FAM186A: variants seen among roughly 807,000 people sequenced by gnomAD.
The protein encoded by FAM186A is family with sequence similarity 186 member A.
Under a neutral mutation model 216.8 loss-of-function variants are expected in FAM186A, and 163 were observed. That is an observed-to-expected ratio of 0.75 (90% CI 0.66 to 0.86). The LOEUF (loss-of-function observed/expected upper bound fraction) is 0.86. FAM186A is among the 40% of genes least tolerant of loss of function. The pLI, the probability that FAM186A is intolerant of heterozygous loss-of-function variation, is 0.00. For synonymous variants in FAM186A, 805 were observed against 1,025.3 expected (o/e 0.79, Z 4.10); for missense variants, 2,184 against 2,746.2 (o/e 0.80, Z 4.58).
Position 50,355,084 on chromosome 12 carries a change from C to T in FAM186A, c.1748G>A (p.Arg583Lys). 1 of 1,551,652 alleles carries T rather than the reference C, an allele frequency of 6.4e-7. No individual in the cohort carries two copies. The highest frequency in any genetic ancestry group is 1.2e-5 in the South Asian group (1 of 84,054). Residue 583 changes from arginine to lysine, a missense_variant, in exon 4 of 8, where the codon AGA becomes AAA. This residue lies in a region of FAM186A where 1,132 missense variants were observed against 1,263.4 expected (regional missense o/e 0.90). Transcript: ENST00000327337. ...SLDKEGKGEI[R>K]SLVEPLSMIQ... ...CATACTGAGTGGCTCCACTAGGCTT[C>T]TAATTTCACCTTTGCCCTCTTTGTC...
In FAM186A at chr12:50,353,460, G is replaced by C. The variant is rs769535279; in HGVS notation, c.3372C>G (p.Thr1124=). Residue 1124 remains threonine, a synonymous_variant, in exon 4 of 8, where the codon ACC becomes ACG. Transcript: ENST00000327337. ...QQAQALEILF[T]PQQAQALGIP... is the part of the protein sequence containing the mutation. ...TCCCCAGGGCCTGCGCCTGCTGAGG[G>C]GTGAAAAGGATCTCCAGGGCCTGGG... is the stretch of plus-strand genomic sequence containing the variant. The C allele has an allele frequency of 4.6e-6, 7 of 1,528,182 alleles. No individual in the cohort carries two copies. In the African/African-American group the frequency reaches 7.0e-5, roughly 15 times the overall value. The allele number at this position is 1,528,182 out of a possible 1,614,324, so 94.7% of individuals were successfully genotyped here.
At chr12:50,335,986 G>T (rs950935317) in intron 4 of FAM186A, among the ~76,000 whole-genome samples, 1 of 151,916 alleles carries the variant, frequency 6.6e-6, no homozygotes, top group Non-Finnish European at 1.5e-5. Flanking sequence ...TTAGCCCGGT[G>T]TGATGGCGGG....
chr12:50,350,643 T>C lies in FAM186A; in HGVS notation c.6189A>G (p.Glu2063=). Residue 2063 remains glutamate, a synonymous_variant, in exon 4 of 8, where the codon GAA becomes GAG. Transcript: ENST00000327337. ...LLRTSQISPL[E]WYQKSRFPPI... Reference sequence around the variant, plus strand: ...GAGGGAATCGGGATTTCTGGTACCATTCCAAAGGTGAAATCTGTGATGTTC... The same window carrying C: ...GAGGGAATCGGGATTTCTGGTACCACTCCAAAGGTGAAATCTGTGATGTTC... 1 of 1,551,606 alleles carries C rather than the reference T, an allele frequency of 6.4e-7. No individual in the cohort carries two copies. Among genetic ancestry groups the C allele is most frequent in the Non-Finnish European group, 8.7e-7 (1 of 1,146,974 alleles).
Position 50,347,965 on chromosome 12 carries a change from C to T in FAM186A, c.6503+2364G>A, listed in dbSNP as rs569872647. ...TTGCCTCACTGCAACCTCTGCCTCT[C>T]GGGTTCAAGCAATTCTTCTGCCTCA... On this transcript the variant is annotated intron_variant, in intron 4 of 7. Coordinates refer to ENST00000327337, the MANE Select transcript of FAM186A (RefSeq NM_001145475.3). 9.9e-4 allele frequency among the ~76,000 whole-genome samples: 149 copies of T among 150,464 alleles called. 1 individual carries two copies. Among genetic ancestry groups the T allele is most frequent in the African/African-American group, 3.5e-3 (144 of 41,100 alleles).
At chr12:50,362,173 G>A (rs189769898) in intron 2 of FAM186A, among the ~76,000 whole-genome samples, 2 of 150,574 alleles carry the variant, frequency 1.3e-5, no homozygotes, top group Non-Finnish European at 3.0e-5. Flanking sequence ...AGGTTTCACC[G>A]TGTTGCCCAG....
At chr12:50,374,964 G>A (rs915836513) in intron 1 of FAM186A, among the ~76,000 whole-genome samples, 1 of 152,134 alleles carries the variant, frequency 6.6e-6, no homozygotes, top group Non-Finnish European at 1.5e-5. Context: ...GGTCACTTGA[G>A]TACAGAAGTT....
Position 50,350,487 on chromosome 12 carries a change from G to T in FAM186A, c.6345C>A (p.Asn2115Lys). ...YFVDVEAQKK[N>K]LILLNQAIKT... ...TTATAGCCTGATTTAATAGTATCAG[G>T]TTCTTCTTCTGAGCCTCCACATCAA... The change falls in exon 4 of 8, where the codon AAC becomes AAA. Residue 2115 changes from asparagine to lysine, a missense_variant. Transcript: ENST00000327337. The T allele has an allele frequency of 6.4e-7, 1 of 1,551,578 alleles. No homozygotes were observed. The highest frequency in any genetic ancestry group is 8.7e-7 in the Non-Finnish European group (1 of 1,146,972).
intron 1 of FAM186A, among the ~76,000 whole-genome samples, chr12:50,377,447 A>G (rs1053413829): frequency 2.0e-5 from 3 of 147,588 alleles, no homozygotes; most frequent in East Asian, 4.0e-4. Flanking sequence ...ATTTAACACT[A>G]TAAAACTTCT....
chr12:50,347,915 G>GT (rs1314328265), intron 4 of FAM186A, among the ~76,000 whole-genome samples: 1 of 151,014 alleles, frequency 6.6e-6, no homozygotes, highest in African/African-American at 2.4e-5. Flanking sequence ...TTTTTTTGTT[G>GT]TTTTTTTGAG....
At chr12:50,377,327 T>C (rs1407243865) in intron 1 of FAM186A, among the ~76,000 whole-genome samples, 1 of 147,812 alleles carries the variant, frequency 6.8e-6, no homozygotes, top group Non-Finnish European at 1.5e-5. Context: ...TAACAAGTGG[T>C]GTTCAAATAA....
chr12:50,371,359 C>T (rs1173865744), intron 1 of FAM186A, among the ~76,000 whole-genome samples: 2 of 152,016 alleles, frequency 1.3e-5, no homozygotes, highest in African/African-American at 4.8e-5. Flanking sequence ...CCTCATGATC[C>T]ATCTGCCTCT....
intron 1 of FAM186A, among the ~76,000 whole-genome samples, chr12:50,371,938 A>C (rs1396001507): frequency 6.6e-6 from 1 of 151,784 alleles, no homozygotes. Flanking sequence ...TCAGCCTCCC[A>C]AGTAGCTGGG....
intron 7 of FAM186A, among the ~76,000 whole-genome samples, chr12:50,329,365 C>A (rs1368548044): frequency 6.6e-6 from 1 of 151,982 alleles, no homozygotes; most frequent in Non-Finnish European, 1.5e-5. Context: ...AAGGGAAAAT[C>A]AGAGACCAGA....
chr12:50,388,921 A>G (rs1943331038), intron 1 of FAM186A, among the ~76,000 whole-genome samples: 1 of 151,708 alleles, frequency 6.6e-6, no homozygotes. Flanking sequence ...GGCGTGGTGC[A>G]TGCCTGAGGT....
At chr12:50,366,709 TA>T (rs34350421) in intron 1 of FAM186A, among the ~76,000 whole-genome samples, 52 of 141,134 alleles carry the variant, frequency 3.7e-4, no homozygotes, top group South Asian at 2.3e-3. Context: ...CTTTCATTAT[TA>T]AAAAAAAAAA....
At chr12:50,396,051 C>A (rs533822137) in intron 1 of FAM186A, among the ~76,000 whole-genome samples, 2 of 152,326 alleles carry the variant, frequency 1.3e-5, no homozygotes, top group South Asian at 4.1e-4. Context: ...GCGTGAGCCA[C>A]CATGCCCGGC....
chr12:50,335,902 G>A (rs1232601867), intron 4 of FAM186A, among the ~76,000 whole-genome samples: 1 of 152,038 alleles, frequency 6.6e-6, no homozygotes, highest in Non-Finnish European at 1.5e-5. Flanking sequence ...GAGGTGGGCA[G>A]ATCACGAGGT....
intron 1 of FAM186A, among the ~76,000 whole-genome samples, chr12:50,389,690 AG>A (rs1943339838): frequency 6.6e-6 from 1 of 152,194 alleles, no homozygotes; most frequent in Admixed American, 6.5e-5. Flanking sequence ...GCGGCATACC[AG>A]GAACCAGGGA....
Position 50,353,738 on chromosome 12 carries a change from T to C in FAM186A, c.3094A>G (p.Asn1032Asp). Residue 1032 changes from asparagine to aspartate, a missense_variant, in exon 4 of 8, where the codon AAT becomes GAT. Asn to Asp is a conservative substitution (Grantham distance 23, BLOSUM62 1). Around this residue, in one of 7 missense-constraint regions of FAM186A, gnomAD observed 1,132 missense variants for 1,263.4 expected, o/e 0.90. Coordinates refer to ENST00000327337, the MANE Select transcript of FAM186A (RefSeq NM_001145475.3). ...RSYEGKEFQR[N>D]LKTLENLPDE... Reference sequence around the variant, plus strand: ...GGAAGGTTCTCTAATGTCTTCAGATTCCTCTGAAACTCTTTTCCTTCATAT... The same window carrying C: ...GGAAGGTTCTCTAATGTCTTCAGATCCCTCTGAAACTCTTTTCCTTCATAT... 2 of 1,549,864 alleles carry C rather than the reference T, an allele frequency of 1.3e-6. No homozygotes were observed. Among genetic ancestry groups the C allele is most frequent in the South Asian group, 2.4e-5 (2 of 83,688 alleles).
Sources: allele counts gnomAD v4.1 joint callset (sites outside exome capture counted in the v4.1 genomes callset), GRCh38; gene constraint gnomAD v4.1.1; regional missense constraint gnomAD v4.1.1; transcripts MANE v1.5; gene names NCBI Gene and HGNC (gene_info 2026-07-23, HGNC 2026-07-21).